The following COPG2 variants were observed in gnomAD, a reference collection of about 807,000 sequenced individuals.
COPG2 encodes coatomer subunit gamma-2.
A neutral mutation model predicts 46.3 loss-of-function variants in COPG2; 37 were observed. The ratio of observed to expected loss-of-function variants is 0.80; its 90% CI spans 0.61 to 1.05. The LOEUF (loss-of-function observed/expected upper bound fraction) is 1.05. COPG2 is among the 50% of genes least tolerant of loss of function. COPG2 has a pLI of 0.00. For missense variants in COPG2, 427 were observed against 387.8 expected (o/e 1.10, Z -0.85); for synonymous variants, 159 against 129.7 (o/e 1.23, Z -1.53).
At chr7:130,652,655 A>C (rs1795771082) in intron 5 of COPG2, among the ~76,000 whole-genome samples, 1 of 152,170 alleles carries the variant, frequency 6.6e-6, no homozygotes, top group Non-Finnish European at 1.5e-5. Flanking sequence ...GATGCACTCA[A>C]ATCTATCAGT....
At chr7:130,620,221 T>C (rs1210789494) in intron 5 of COPG2, among the ~76,000 whole-genome samples, 2 of 152,194 alleles carry the variant, frequency 1.3e-5, no homozygotes, top group Admixed American at 1.3e-4. Context: ...AGCATTTCAA[T>C]GAGTGTCTGT....
intron 9 of COPG2, among the ~76,000 whole-genome samples, chr7:130,597,022 G>A (rs1388109242): frequency 2.0e-5 from 3 of 152,136 alleles, no homozygotes; most frequent in Non-Finnish European, 4.4e-5. Flanking sequence ...AAGCCTTCAC[G>A]GCTCTTTATC....
intron 5 of COPG2, among the ~76,000 whole-genome samples, chr7:130,617,681 T>A (rs1794972277): frequency 6.6e-6 from 1 of 152,208 alleles, no homozygotes; most frequent in Non-Finnish European, 1.5e-5. Context: ...ATACTACTGC[T>A]ATCAATCTCT....
chr7:130,609,535 C>T (rs1186489662), intron 9 of COPG2, among the ~76,000 whole-genome samples: 4 of 152,188 alleles, frequency 2.6e-5, no homozygotes, highest in African/African-American at 7.2e-5. Context: ...TCGGGTATGT[C>T]TTTATCAGCA....
At chr7:130,660,390 A>T (rs1795954557) in intron 4 of COPG2, among the ~76,000 whole-genome samples, 1 of 152,072 alleles carries the variant, frequency 6.6e-6, no homozygotes, top group African/African-American at 2.4e-5. Context: ...CTCTTCTCTG[A>T]ATGTTCCCAT....
intron 6 of COPG2, 99 bp from the exon 7 acceptor site, chr7:130,613,735 T>G (rs1430713201): frequency 6.4e-6 from 5 of 775,476 alleles, no homozygotes; most frequent in African/African-American, 5.2e-5. Context: ...ATCTTATATT[T>G]GTTTCTGTGC....
At chr7:130,529,788 T>G (rs890227178) in intron 20 of COPG2, among the ~76,000 whole-genome samples, 1 of 152,064 alleles carries the variant, frequency 6.6e-6, no homozygotes, top group Admixed American at 6.5e-5. Flanking sequence ...AGATTGTAGG[T>G]AGAAGTGTGT....
Position 130,666,934 on chromosome 7 carries a change from G to C in COPG2, c.91-5C>G. 6.7e-7 allele frequency: 1 copy of C among 1,503,224 alleles called. No individual in the cohort carries two copies. The highest frequency in any genetic ancestry group is 9.1e-7 in the Non-Finnish European group (1 of 1,103,662). The allele number at this position is 1,503,224 out of a possible 1,614,324, so 93.1% of individuals were successfully genotyped here. A position where few individuals can be genotyped will look rare whatever the true frequency, so the allele number is the denominator to read the frequency against. On this transcript the variant is annotated splice_polypyrimidine_tract_variant and splice_region_variant and intron_variant, in intron 2 of 23. Coordinates refer to ENST00000425248, the MANE Select transcript of COPG2 (RefSeq NM_012133.6). ...AGTTTCATTGAATATACGAGCCTAT[G>C]AAAAAACATAAAAAACATTGCTACT... is the stretch of plus-strand genomic sequence containing the variant.
chr7:130,615,243 A>G (rs1428256280), intron 6 of COPG2, among the ~76,000 whole-genome samples: 1 of 152,238 alleles, frequency 6.6e-6, no homozygotes, highest in Non-Finnish European at 1.5e-5. Context: ...ATTCTTTTAT[A>G]CTTATAGCCA....
chr7:130,653,085 A>T, intron 4 of COPG2, 137 bp from the exon 5 acceptor site: 3 of 587,818 alleles, frequency 5.1e-6, no homozygotes, highest in South Asian at 2.3e-5. Context: ...AAAAAAAAAA[A>T]TTAATATCTG....
intron 14 of COPG2, among the ~76,000 whole-genome samples, chr7:130,553,512 AG>A (rs1406621566): frequency 1.3e-5 from 2 of 152,192 alleles, no homozygotes; most frequent in Non-Finnish European, 2.9e-5. Context: ...AAGAACAGAT[AG>A]GGGCTGTAAG....
intron 20 of COPG2, among the ~76,000 whole-genome samples, chr7:130,518,927 A>AC (rs1402105182): frequency 2.8e-5 from 4 of 143,980 alleles, no homozygotes; most frequent in African/African-American, 1.1e-4. Flanking sequence ...AACTGCTTGA[A>AC]CCCCGGAGGT....
intron 5 of COPG2, among the ~76,000 whole-genome samples, chr7:130,642,481 T>C (rs1795511364): frequency 6.6e-6 from 1 of 152,234 alleles, no homozygotes; most frequent in Admixed American, 6.5e-5. Context: ...TTGGAGTTTA[T>C]ACGAAGAGAA....
chr7:130,558,024 T>C (rs992219817), intron 12 of COPG2, among the ~76,000 whole-genome samples: 45 of 151,992 alleles, frequency 3.0e-4, no homozygotes, highest in Non-Finnish European at 5.3e-4. Flanking sequence ...TGAGTTTGTA[T>C]GAACATACAA....
At chr7:130,617,695 C>T (rs376781971) in intron 5 of COPG2, among the ~76,000 whole-genome samples, 45 of 152,316 alleles carry the variant, frequency 3.0e-4, no homozygotes, top group African/African-American at 9.1e-4. Flanking sequence ...AATCTCTCCA[C>T]TTCCTCAACT....
At chr7:130,604,935 T>G (rs1554451008) in intron 9 of COPG2, among the ~76,000 whole-genome samples, 1 of 152,238 alleles carries the variant, frequency 6.6e-6, no homozygotes, top group Non-Finnish European at 1.5e-5. Flanking sequence ...GACTCTTCTG[T>G]ATTTTTAAAA....
intron 9 of COPG2, chr7:130,607,384 T>G: frequency 2.4e-6 from 1 of 412,246 alleles, no homozygotes; most frequent in East Asian, 7.4e-5. Flanking sequence ...GCTTTTTCTC[T>G]TGGCTACTAG....
At chr7:130,545,393 ATAT>A (rs1793424446) in intron 20 of COPG2, among the ~76,000 whole-genome samples, 4 of 152,164 alleles carry the variant, frequency 2.6e-5, no homozygotes, top group Non-Finnish European at 2.9e-5. Flanking sequence ...ATAAGGAAAA[ATAT>A]TATTTTTCTG....
intron 9 of COPG2, among the ~76,000 whole-genome samples, chr7:130,572,852 T>C (rs1403093567): frequency 6.6e-6 from 1 of 151,462 alleles, no homozygotes; most frequent in East Asian, 1.9e-4. Flanking sequence ...TAATAAATAT[T>C]AGAGCACAGG....
Sources: gnomAD v4.1 joint callset for allele counts (sites outside exome capture counted in the v4.1 genomes callset) on GRCh38, gnomAD v4.1.1 for gene constraint, MANE v1.5 for transcripts, NCBI Gene and HGNC (gene_info 2026-07-23, HGNC 2026-07-21) for gene names.